Variants in SMIM38 observed in about 807,000 individuals in gnomAD.
SMIM38 encodes the protein small integral membrane protein 38.
At chr11:69,156,377 C>T (rs760566548) in intron 1 of SMIM38, among the ~76,000 whole-genome samples, 2 of 152,228 alleles carry the variant, frequency 1.3e-5, no homozygotes, top group African/African-American at 2.4e-5. Context: ...TCCTCACGCT[C>T]AGCCCCCTAG....
rs1857036296 is a variant in SMIM38, at chr11:69,159,942, G to T, written c.*1846G>T. On this transcript the variant is annotated 3_prime_UTR_variant, in exon 3 of 3. Transcript: ENST00000686237. ...GGCCAGCTGTTCCGGGTTGCCCAGG[G>T]CTGTCTTGTTTTTAAAATGGAAAGT... 3.3e-5 allele frequency: 5 copies of T among 152,322 alleles called. No individual in the cohort carries two copies. In the South Asian group the frequency reaches 1.0e-3, roughly 32 times the overall value. 9.4% of individuals were successfully genotyped at this position (152,322 alleles called of 1,614,324 possible). A position where few individuals can be genotyped will look rare whatever the true frequency, so the allele number is the denominator to read the frequency against.
Position 69,160,188 on chromosome 11 carries a change from T to G in SMIM38, c.*2092T>G, listed in dbSNP as rs1353372676. ...CCAGAATCCTGGGACTTCATCATCT[T>G]TTTTTTTTTTTTTTTTGAGATGGAA... On this transcript the variant is annotated 3_prime_UTR_variant, in exon 3 of 3. Coordinates refer to ENST00000686237, the MANE Select transcript of SMIM38 (RefSeq NM_001369201.2). The G allele has an allele frequency of 6.5e-5, 3 of 45,982 alleles. No individual in the cohort carries two copies. Among genetic ancestry groups the G allele is most frequent in the African/African-American group, 5.3e-4 (3 of 5,624 alleles). 2.8% of individuals were successfully genotyped at this position (45,982 alleles called of 1,614,324 possible).
chr11:69,158,135 G>A lies in SMIM38; in HGVS notation c.*133G>A. 2.5e-6 allele frequency: 1 copy of A among 396,664 alleles called. No homozygotes were observed. The highest frequency in any genetic ancestry group is 4.4e-6 in the Non-Finnish European group (1 of 225,378). 24.6% of individuals were successfully genotyped at this position (396,664 alleles called of 1,614,324 possible). Reference sequence around the variant, plus strand: ...ACCCCTGGGGCAGGAGCTCAGAGAGGCCTGAGATGGATCGTGCCTTCCCAG... The same window carrying A: ...ACCCCTGGGGCAGGAGCTCAGAGAGACCTGAGATGGATCGTGCCTTCCCAG... On this transcript the variant is annotated 3_prime_UTR_variant, in exon 2 of 3. Coordinates refer to ENST00000686237, the MANE Select transcript of SMIM38 (RefSeq NM_001369201.2).
In SMIM38 at chr11:69,160,024, G is replaced by A. The variant is rs1857037070; in HGVS notation, c.*1928G>A. The A allele has an allele frequency of 6.6e-6, 1 of 152,164 alleles. No homozygotes were observed. Among genetic ancestry groups the A allele is most frequent in the Non-Finnish European group, 1.5e-5 (1 of 68,046 alleles). The allele number at this position is 152,164 out of a possible 1,614,324, so 9.4% of individuals were successfully genotyped here. ...CAAACCAGGTCACGCTGGATAGAAGGAGTTAGACATTCATATGATGTGCCG... is the reference window on the plus strand; with the variant it reads ...CAAACCAGGTCACGCTGGATAGAAGAAGTTAGACATTCATATGATGTGCCG... On this transcript the variant is annotated 3_prime_UTR_variant, in exon 3 of 3. Coordinates refer to ENST00000686237, the MANE Select transcript of SMIM38 (RefSeq NM_001369201.2).
At position 69,156,103 on chromosome 11, in the gene SMIM38, GCCCGGC is replaced by G. The variant is rs1467787623; in HGVS notation, c.-682_-677del. 1 of 152,334 alleles carries G rather than the reference GCCCGGC, an allele frequency of 6.6e-6. No individual in the cohort carries two copies. Among genetic ancestry groups the G allele is most frequent in the Non-Finnish European group, 1.5e-5 (1 of 68,122 alleles). The allele number at this position is 152,334 out of a possible 1,614,324, so 9.4% of individuals were successfully genotyped here. A position where few individuals can be genotyped will look rare whatever the true frequency, so the allele number is the denominator to read the frequency against. On this transcript the variant is annotated 5_prime_UTR_variant, in exon 1 of 3. Transcript: ENST00000686237. ...GCTGCGGGAAGGCAGCTTAGGCGGTGCCCGGCCCAAGGTGAGTTGGCATCATGCTCC... is the reference window on the plus strand; with the variant it reads ...GCTGCGGGAAGGCAGCTTAGGCGGTGCCAAGGTGAGTTGGCATCATGCTCC...
At position 69,157,624 on chromosome 11, in the gene SMIM38, CCGGGCTGGAGTCTGG is replaced by C. The variant is rs1857006200; in HGVS notation, c.-217_-203del. ...TGTCCTCTCACATGCCAGGGAGGCC[CCGGGCTGGAGTCTGG>C]CGGGCAGATCTGGCCTGCTTGGTGG... On this transcript the variant is annotated 5_prime_UTR_variant, in exon 2 of 3. Coordinates refer to ENST00000686237, the MANE Select transcript of SMIM38 (RefSeq NM_001369201.2). 1 of 390,468 alleles carries C rather than the reference CCGGGCTGGAGTCTGG, an allele frequency of 2.6e-6. No homozygotes were observed. The highest frequency in any genetic ancestry group is 4.5e-6 in the Non-Finnish European group (1 of 221,418). The allele number at this position is 390,468 out of a possible 1,614,324, so 24.2% of individuals were successfully genotyped here.
At position 69,158,160 on chromosome 11, in the gene SMIM38, G is replaced by A. The variant is rs1051927161; in HGVS notation, c.*158G>A. 2.5e-6 allele frequency: 1 copy of A among 395,642 alleles called. No individual in the cohort carries two copies. Among genetic ancestry groups the A allele is most frequent in the Non-Finnish European group, 4.5e-6 (1 of 224,716 alleles). 24.5% of individuals were successfully genotyped at this position (395,642 alleles called of 1,614,324 possible). A position where few individuals can be genotyped will look rare whatever the true frequency, so the allele number is the denominator to read the frequency against. ...GCCTGAGATGGATCGTGCCTTCCCA[G>A]ACTGACCAGGGCTGTCCCGTAGAGG... On this transcript the variant is annotated 3_prime_UTR_variant, in exon 2 of 3. Transcript: ENST00000686237.
At position 69,157,677 on chromosome 11, in the gene SMIM38, C is replaced by A; in HGVS notation, c.-170C>A. ...GCCTGCTTGGTGGCACCAGAGAGAACAGGGCGGTCCCTTGGGGGCGCCGGC... is the reference window on the plus strand; with the variant it reads ...GCCTGCTTGGTGGCACCAGAGAGAAAAGGGCGGTCCCTTGGGGGCGCCGGC... On this transcript the variant is annotated 5_prime_UTR_variant, in exon 2 of 3. Transcript: ENST00000686237. The A allele has an allele frequency of 2.5e-6, 1 of 396,368 alleles. No individual in the cohort carries two copies. Among genetic ancestry groups the A allele is most frequent in the East Asian group, 3.6e-5 (1 of 27,996 alleles). 24.6% of individuals were successfully genotyped at this position (396,368 alleles called of 1,614,324 possible).
Position 69,157,723 on chromosome 11 carries a change from C to T in SMIM38, c.-124C>T, listed in dbSNP as rs1023706669. 4.3e-5 allele frequency: 17 copies of T among 397,168 alleles called. No homozygotes were observed. The South Asian group carries it at 7.0e-4, about 16-fold the overall frequency. 24.6% of individuals were successfully genotyped at this position (397,168 alleles called of 1,614,324 possible). On this transcript the variant is annotated 5_prime_UTR_variant, in exon 2 of 3. It adds an upstream start codon to the 5' untranslated region. Transcript: ENST00000686237. ...CCGGCTGCAGAGGCCCCAGGCTGGA[C>T]GGAGCTTCCTGTCCTGGGTCTGCAC...
rs113872055 is a variant in SMIM38 at position 69,159,767 on chromosome 11, A to T, written c.*1671A>T. 138 of 152,218 alleles carry T rather than the reference A, an allele frequency of 9.1e-4. 1 individual carries two copies. Among genetic ancestry groups the T allele is most frequent in the African/African-American group, 3.0e-3 (126 of 41,518 alleles). 9.4% of individuals were successfully genotyped at this position (152,218 alleles called of 1,614,324 possible). On this transcript the variant is annotated 3_prime_UTR_variant, in exon 3 of 3. Transcript: ENST00000686237. ...GGCTCTGCCTGAATATTCTCGCCTG[A>T]TCGTAGGATTGTGGGGAGGGATATT...
Position 69,157,701 on chromosome 11 carries a change from G to C in SMIM38, c.-146G>C. The C allele has an allele frequency of 2.5e-6, 1 of 396,728 alleles. No individual in the cohort carries two copies. 24.6% of individuals were successfully genotyped at this position (396,728 alleles called of 1,614,324 possible). ...ACAGGGCGGTCCCTTGGGGGCGCCGGCTGCAGAGGCCCCAGGCTGGACGGA... is the reference window on the plus strand; with the variant it reads ...ACAGGGCGGTCCCTTGGGGGCGCCGCCTGCAGAGGCCCCAGGCTGGACGGA... On this transcript the variant is annotated 5_prime_UTR_variant, in exon 2 of 3. Transcript: ENST00000686237.
intron 1 of SMIM38, among the ~76,000 whole-genome samples, chr11:69,156,735 G>A (rs1388213538): frequency 6.6e-6 from 1 of 152,194 alleles, no homozygotes; most frequent in Non-Finnish European, 1.5e-5. Context: ...GCTGGGCGTG[G>A]CCCCTGAGAA....
At position 69,156,085 on chromosome 11, in the gene SMIM38, G is replaced by A. The variant is rs1481245921; in HGVS notation, c.-703G>A. ...GGCAGGGGCTCCAGGGTGGCTGCGG[G>A]AAGGCAGCTTAGGCGGTGCCCGGCC... On this transcript the variant is annotated 5_prime_UTR_variant, in exon 1 of 3. Transcript: ENST00000686237. 3 of 152,410 alleles carry A rather than the reference G, an allele frequency of 2.0e-5. No homozygotes were observed. The highest frequency in any genetic ancestry group is 7.2e-5 in the African/African-American group (3 of 41,466). 9.4% of individuals were successfully genotyped at this position (152,410 alleles called of 1,614,324 possible).
In SMIM38 at chr11:69,160,772, C is replaced by G. The variant is rs1857046786; in HGVS notation, c.*2676C>G. ...TTCTGCATCCACGTGTCAGCATCTC[C>G]AGCCTTGTGACGCAGTGCCTGGCTC... On this transcript the variant is annotated 3_prime_UTR_variant, in exon 3 of 3. Transcript: ENST00000686237. 6.6e-6 allele frequency: 1 copy of G among 152,208 alleles called. No homozygotes were observed. Among genetic ancestry groups the G allele is most frequent in the African/African-American group, 2.4e-5 (1 of 41,450 alleles). 9.4% of individuals were successfully genotyped at this position (152,208 alleles called of 1,614,324 possible).
chr11:69,156,573 CAT>C (rs1224620811), intron 1 of SMIM38, among the ~76,000 whole-genome samples: 13 of 138,418 alleles, frequency 9.4e-5, no homozygotes, highest in South Asian at 2.6e-4. Context: ...TGTGCACACA[CAT>C]GTATACATGT....
rs79830531 is a variant in SMIM38, at chr11:69,159,055, G to A, written c.*1053G>A. ...AGGGAGGAGCATCGAACCAGATATCGTCTCTGGGAGGCTGGGCCTGGTGAT... is the reference window on the plus strand; with the variant it reads ...AGGGAGGAGCATCGAACCAGATATCATCTCTGGGAGGCTGGGCCTGGTGAT... On this transcript the variant is annotated 3_prime_UTR_variant, in exon 2 of 3. Coordinates refer to ENST00000686237, the MANE Select transcript of SMIM38 (RefSeq NM_001369201.2). 3,859 of 152,342 alleles carry A rather than the reference G, an allele frequency of 0.025. 100 individuals are homozygous for A. The highest frequency in any genetic ancestry group is 0.091 in the East Asian group (471 of 5,176). The allele number at this position is 152,342 out of a possible 1,614,324, so 9.4% of individuals were successfully genotyped here.
Position 69,159,843 on chromosome 11 carries a change from G to A in SMIM38, c.*1747G>A, listed in dbSNP as rs1054720073. On this transcript the variant is annotated 3_prime_UTR_variant, in exon 3 of 3. Coordinates refer to ENST00000686237, the MANE Select transcript of SMIM38 (RefSeq NM_001369201.2). ...GTTCGCTTTTTAAAAACATGATCTG[G>A]TACCATTTCATTGATCTCTTTAAGG... The A allele has an allele frequency of 6.6e-6, 1 of 152,148 alleles. No individual in the cohort carries two copies. Among genetic ancestry groups the A allele is most frequent in the African/African-American group, 2.4e-5 (1 of 41,416 alleles). 9.4% of individuals were successfully genotyped at this position (152,148 alleles called of 1,614,324 possible). A position where few individuals can be genotyped will look rare whatever the true frequency, so the allele number is the denominator to read the frequency against.
intron 1 of SMIM38, 73 bp downstream of exon 1, chr11:69,156,187 G>C (rs879588443): frequency 6.6e-6 from 1 of 152,326 alleles, no homozygotes; most frequent in Non-Finnish European, 1.5e-5. Flanking sequence ...AGGCTTGGCA[G>C]GGAGGACACT....
At position 69,160,781 on chromosome 11, in the gene SMIM38, G is replaced by A. The variant is rs1291233531; in HGVS notation, c.*2685G>A. The A allele has an allele frequency of 2.0e-5, 3 of 152,226 alleles. No individual in the cohort carries two copies. The highest frequency in any genetic ancestry group is 4.8e-5 in the African/African-American group (2 of 41,452). The allele number at this position is 152,226 out of a possible 1,614,324, so 9.4% of individuals were successfully genotyped here. A position where few individuals can be genotyped will look rare whatever the true frequency, so the allele number is the denominator to read the frequency against. ...CACGTGTCAGCATCTCCAGCCTTGT[G>A]ACGCAGTGCCTGGCTCAGAACAGGC... On this transcript the variant is annotated 3_prime_UTR_variant, in exon 3 of 3. Transcript: ENST00000686237.
Sources: allele counts gnomAD v4.1 joint callset (sites outside exome capture counted in the v4.1 genomes callset), GRCh38; gene constraint gnomAD v4.1.1; transcripts MANE v1.5; gene names NCBI Gene and HGNC (gene_info 2026-07-23, HGNC 2026-07-21).